Variants in ECM2 observed in about 807,000 individuals in gnomAD.
The protein encoded by ECM2 is extracellular matrix protein 2, female organ and adipocyte specific.
In ECM2, 57 loss-of-function variants were observed where a neutral mutation model predicts 67.5. The ratio of observed to expected loss-of-function variants is 0.84; its 90% CI spans 0.68 to 1.05. ECM2 has a LOEUF of 1.05. ECM2 is among the 50% of genes least tolerant of loss of function. The probability of loss-of-function intolerance (pLI) is 0.00; values close to 1 mark genes in which losing one functional copy is unlikely to be tolerated. For missense variants in ECM2, 741 were observed against 822.8 expected (o/e 0.90, Z 1.22); for synonymous variants, 258 against 294.5 (o/e 0.88, Z 1.27).
At chr9:92,502,119 T>A (rs1050044487) in intron 8 of ECM2, among the ~76,000 whole-genome samples, 1 of 151,630 alleles carries the variant, frequency 6.6e-6, no homozygotes, top group South Asian at 2.1e-4. Context: ...AGGGGAATAA[T>A]CCTTCATTCA....
At chr9:92,505,753 C>A in intron 6 of ECM2, 63 bp from the exon 7 acceptor site, 1 of 1,365,148 alleles carries the variant, frequency 7.3e-7, no homozygotes, top group East Asian at 2.5e-5. Context: ...TTTTTGTAGC[C>A]TTTTGAAATG....
At chr9:92,532,025 T>TA (rs1327263663) in intron 1 of ECM2, among the ~76,000 whole-genome samples, 2 of 125,810 alleles carry the variant, frequency 1.6e-5, no homozygotes, top group Admixed American at 7.7e-5. Context: ...GTTTTTTTTT[T>TA]TTTATTTTAT....
chr9:92,505,559 G>A lies in ECM2; in HGVS notation c.1438C>T (p.Pro480Ser). Residue 480 changes from proline (P) to serine (S), a missense_variant, in exon 7 of 10, where the codon CCG becomes TCG. Coordinates refer to ENST00000344604, the MANE Select transcript of ECM2 (RefSeq NM_001393.4). ...TCAATAGAACCAGGAAGACCCTGCGGTATAATTCTAAATTTATTTTTTCCC... is the reference window on the plus strand; with the variant it reads ...TCAATAGAACCAGGAAGACCCTGCGATATAATTCTAAATTTATTTTTTCCC... ...RLGKNKFRII[P>S]QGLPGSIEEL... The A allele has an allele frequency of 6.2e-7, 1 of 1,604,692 alleles. No individual in the cohort carries two copies. The highest frequency in any genetic ancestry group is 8.5e-7 in the Non-Finnish European group (1 of 1,177,750).
At chr9:92,510,710 A>T (rs1847280576) in intron 5 of ECM2, among the ~76,000 whole-genome samples, 1 of 152,234 alleles carries the variant, frequency 6.6e-6, no homozygotes, top group African/African-American at 2.4e-5. Context: ...TCACTTCTCC[A>T]GTGATCATAT....
At chr9:92,503,200 T>A (rs2131160863) in intron 7 of ECM2, among the ~76,000 whole-genome samples, 1 of 152,356 alleles carries the variant, frequency 6.6e-6, no homozygotes, top group East Asian at 1.9e-4. Context: ...AGAAATGGCA[T>A]ACCAAAATAA....
chr9:92,545,708 A>G, the ECM2 span, among the ~76,000 whole-genome samples: 11 of 151,476 alleles, frequency 7.3e-5, no homozygotes, highest in African/African-American at 2.7e-4. Flanking sequence ...AGCTGGGCTC[A>G]TCCAGCTGGG....
At chr9:92,510,124 A>C in intron 5 of ECM2, 90 bp from the exon 6 acceptor site, 1 of 1,427,048 alleles carries the variant, frequency 7.0e-7, no homozygotes, top group South Asian at 1.4e-5. Flanking sequence ...AAGTCTCACA[A>C]ACCTATCCTT....
Position 92,496,489 on chromosome 9 carries a change from G to A in ECM2, c.1932-6C>T, listed in dbSNP as rs1465580889. 4 of 1,604,978 alleles carry A rather than the reference G, an allele frequency of 2.5e-6. No individual in the cohort carries two copies. Among genetic ancestry groups the A allele is most frequent in the Non-Finnish European group, 3.4e-6 (4 of 1,177,772 alleles). ...TTTCTTCTGGAAGAATGTTCCTAAGGAAAAATAGACATGCAAGTCACACAT... is the reference window on the plus strand; with the variant it reads ...TTTCTTCTGGAAGAATGTTCCTAAGAAAAAATAGACATGCAAGTCACACAT... On this transcript the variant is annotated splice_region_variant and splice_polypyrimidine_tract_variant and intron_variant, in intron 9 of 9. Coordinates refer to ENST00000344604, the MANE Select transcript of ECM2 (RefSeq NM_001393.4).
chr9:92,533,328 A>AAATAT (rs1554683138), intron 1 of ECM2, among the ~76,000 whole-genome samples: 12 of 38,340 alleles, frequency 3.1e-4, no homozygotes, highest in East Asian at 7.4e-4. Flanking sequence ...AAAAAAAAAA[A>AAATAT]ATATATATAT....
At position 92,500,803 on chromosome 9, in the gene ECM2, C is replaced by A; in HGVS notation, c.1855G>T (p.Asp619Tyr). Residue 619 changes from aspartate to tyrosine, a missense_variant, in exon 9 of 10, where the codon GAC becomes TAC. By Grantham distance (160) the Asp-to-Tyr change is radical. Transcript: ENST00000344604. ...SLRELFLDHN[D>Y]LKSIPPGIQE... The stretch of plus-strand genomic sequence containing the variant: ...ATCCCAGGTGGTATAGATTTTAAGT[C>A]ATTGTGATCCAGAAATAATTCTCTC... 2 of 1,614,126 alleles carry A rather than the reference C, an allele frequency of 1.2e-6. No individual in the cohort carries two copies. Among genetic ancestry groups the A allele is most frequent in the South Asian group, 1.1e-5 (1 of 91,056 alleles).
upstream of ECM2, among the ~76,000 whole-genome samples, chr9:92,536,821 T>G (rs1444945596): frequency 2.0e-5 from 3 of 152,112 alleles, no homozygotes; most frequent in Admixed American, 2.0e-4. Context: ...ATGAAGGTCC[T>G]AACTCAGTGC....
chr9:92,515,013 T>C lies in ECM2; in HGVS notation c.672A>G (p.Thr224=), dbSNP rs749123509. 1.9e-6 allele frequency: 3 copies of C among 1,613,988 alleles called. No homozygotes were observed. The highest frequency in any genetic ancestry group is 8.5e-7 in the Non-Finnish European group (1 of 1,180,056). The change falls in exon 4 of 10, where the codon ACA becomes ACG. Residue 224 remains threonine, a synonymous_variant. Transcript: ENST00000344604. ...ATTCAGGGGTCTCTCTCTTTTGCTC[T>C]GTATCTTCTTCTTTCACTTCTTCAT... ...EEDEEVKEED[T]EQKRETPESR...
upstream of ECM2, chr9:92,539,009 G>A (rs2131305435): frequency 1.3e-5 from 2 of 152,100 alleles, no homozygotes; most frequent in South Asian, 4.2e-4. Flanking sequence ...CCAAATAAAG[G>A]TAAATTTTGG....
At chr9:92,544,910 G>A in the ECM2 span, among the ~76,000 whole-genome samples, 4 of 152,094 alleles carry the variant, frequency 2.6e-5, no homozygotes, top group East Asian at 5.8e-4. Context: ...TAGTGGAGAC[G>A]TGGTTTCACC....
intron 7 of ECM2, among the ~76,000 whole-genome samples, chr9:92,503,010 G>A (rs1846784733): frequency 6.6e-6 from 1 of 151,866 alleles, no homozygotes; most frequent in South Asian, 2.1e-4. Flanking sequence ...GTCTCACCAT[G>A]TTGCTCAGGC....
In ECM2 at chr9:92,522,888, C is replaced by G; in HGVS notation, c.-22G>C. On this transcript the variant is annotated 5_prime_UTR_variant, in exon 2 of 10. Coordinates refer to ENST00000344604, the MANE Select transcript of ECM2 (RefSeq NM_001393.4). ...TCATGTTTGATTTTTTTCCACCAGCCAATTTCTAGAATGAAACAATATTTC... is the reference window on the plus strand; with the variant it reads ...TCATGTTTGATTTTTTTCCACCAGCGAATTTCTAGAATGAAACAATATTTC... 3 of 1,576,570 alleles carry G rather than the reference C, an allele frequency of 1.9e-6. No individual in the cohort carries two copies. The highest frequency in any genetic ancestry group is 2.6e-6 in the Non-Finnish European group (3 of 1,167,736).
upstream of ECM2, chr9:92,539,180 G>T (rs559365495): frequency 3.0e-4 from 46 of 152,336 alleles, no homozygotes; most frequent in African/African-American, 9.1e-4. Flanking sequence ...GTTGGCCAAC[G>T]TAAGTGGAGT....
At chr9:92,541,817 G>A in the ECM2 span, among the ~76,000 whole-genome samples, 9 of 151,670 alleles carry the variant, frequency 5.9e-5, no homozygotes, top group East Asian at 1.6e-3. Context: ...TTTTTGAGAC[G>A]GAGTCTTGCT....
intron 2 of ECM2, among the ~76,000 whole-genome samples, chr9:92,522,333 A>C (rs1173063150): frequency 6.6e-6 from 1 of 151,952 alleles, no homozygotes; most frequent in Non-Finnish European, 1.5e-5. Flanking sequence ...TGATCTGCCC[A>C]CCTCTGCCTC....
Sources: gnomAD v4.1 joint callset for allele counts (sites outside exome capture counted in the v4.1 genomes callset) on GRCh38, gnomAD v4.1.1 for gene constraint, MANE v1.5 for transcripts, NCBI Gene and HGNC (gene_info 2026-07-23, HGNC 2026-07-21) for gene names.